SEC24D: variants seen among roughly 807,000 people sequenced by gnomAD.
SEC24D encodes SEC24 homolog D, COPII component.
Under a neutral mutation model 116.9 loss-of-function variants are expected in SEC24D, and 69 were observed. That is an observed-to-expected ratio of 0.59 (90% CI 0.49 to 0.72). The LOEUF is 0.72. Ranked by LOEUF, SEC24D falls within the 30% of genes least tolerant of loss-of-function variation. SEC24D has a pLI of 0.00. For synonymous variants in SEC24D, 405 were observed against 442.8 expected (o/e 0.91, Z 1.07); for missense variants, 1,131 against 1,264.1 (o/e 0.89, Z 1.60).
intron 5 of SEC24D, 146 bp from the exon 6 acceptor site, chr4:118,815,301 C>A: frequency 7.4e-7 from 1 of 1,354,204 alleles, no homozygotes; most frequent in East Asian, 2.3e-5. Context: ...GTGTGGTTCC[C>A]CATTTCTTTG....
At chr4:118,760,575 G>A (rs909963266) in intron 10 of SEC24D, 4 of 152,080 alleles carry the variant, frequency 2.6e-5, no homozygotes, top group African/African-American at 9.7e-5. Flanking sequence ...TAGACACCTG[G>A]TTGCTTCCTC....
chr4:118,834,990 G>C (rs1442390213), intron 1 of SEC24D, among the ~76,000 whole-genome samples: 1 of 152,172 alleles, frequency 6.6e-6, no homozygotes, highest in Non-Finnish European at 1.5e-5. Flanking sequence ...AATATTATGA[G>C]ATCATTTCCT....
rs768952456 is a variant in SEC24D, at chr4:118,833,622, A to G, written c.75T>C (p.His25=). 6.2e-7 allele frequency: 1 copy of G among 1,614,060 alleles called. No individual in the cohort carries two copies. Among genetic ancestry groups the G allele is most frequent in the Non-Finnish European group, 8.5e-7 (1 of 1,179,958 alleles). The stretch of plus-strand genomic sequence containing the variant: ...GCGACGGATCCCCATAGTGCCCATA[A>G]TGAGGTGGAGAAAGGCCTATTCCAG... The part of the protein sequence containing the change: ...PQPGIGLSPP[H]YGHYGDPSHT... The change falls in exon 2 of 23, where the codon CAT becomes CAC. Residue 25 remains histidine (H), a synonymous_variant. Coordinates refer to ENST00000280551, the MANE Select transcript of SEC24D (RefSeq NM_014822.4).
intron 13 of SEC24D, among the ~76,000 whole-genome samples, chr4:118,746,232 G>GGAGGGAGGGAGGGAGGGAAA (rs1276881997): frequency 7.9e-5 from 6 of 75,930 alleles, no homozygotes; most frequent in Non-Finnish European, 1.9e-4. Flanking sequence ...GTTGGGGGAG[G>GGAGGGAGGGAGGGAGGGAAA]GAGGGAGGGA....
intron 7 of SEC24D, among the ~76,000 whole-genome samples, chr4:118,804,885 T>TACACACACACACACACAC (rs71954957): frequency 0.018 from 2,533 of 140,880 alleles, 33 homozygotes; most frequent in Admixed American, 0.024. Flanking sequence ...TATGCATGCA[T>TACACACACACACACACAC]ACACACACAC....
intron 2 of SEC24D, among the ~76,000 whole-genome samples, chr4:118,828,090 G>C (rs1231119690): frequency 6.6e-6 from 1 of 151,566 alleles, no homozygotes; most frequent in East Asian, 1.9e-4. Flanking sequence ...CACAGCCCCT[G>C]TTCTAGGTTC....
At chr4:118,812,057 A>C (rs1729942680) in intron 6 of SEC24D, among the ~76,000 whole-genome samples, 1 of 152,168 alleles carries the variant, frequency 6.6e-6, no homozygotes, top group Admixed American at 6.5e-5. Context: ...TCCAAGCCTA[A>C]GCTTCAAAAG....
Position 118,752,700 on chromosome 4 carries a change from T to C in SEC24D, c.1610A>G (p.His537Arg), listed in dbSNP as rs981551410. The C allele has an allele frequency of 6.3e-7, 1 of 1,591,054 alleles. No individual in the cohort carries two copies. Among genetic ancestry groups the C allele is most frequent in the Non-Finnish European group, 8.6e-7 (1 of 1,168,532 alleles). The stretch of plus-strand genomic sequence containing the variant: ...TTATAAAACACTTGATATTTACTTA[T>C]GAATCACAGATTGGGATTCTTGATA... ...VNYQESQSVI[H>R]NLLDQIPDMF... The change falls in exon 12 of 23, where the codon CAT (histidine) becomes CGT (arginine). Residue 537 changes from histidine (H) to arginine (R), a missense_variant. Coordinates refer to ENST00000280551, the MANE Select transcript of SEC24D (RefSeq NM_014822.4).
chr4:118,815,221 G>T, intron 5 of SEC24D, 66 bp from the exon 6 acceptor site: 1 of 1,569,168 alleles, frequency 6.4e-7, no homozygotes, highest in Non-Finnish European at 8.7e-7. Context: ...ACTTGTTGAC[G>T]ATATTATGCT....
At chr4:118,819,998 A>C (rs1214453434) in intron 3 of SEC24D, among the ~76,000 whole-genome samples, 2 of 152,158 alleles carry the variant, frequency 1.3e-5, no homozygotes, top group African/African-American at 4.8e-5. Context: ...CAAATAAATT[A>C]TTTCTTTCTG....
At chr4:118,830,729 C>G (rs1730813935) in intron 2 of SEC24D, among the ~76,000 whole-genome samples, 1 of 151,620 alleles carries the variant, frequency 6.6e-6, no homozygotes, top group Admixed American at 6.6e-5. Flanking sequence ...CACAGTATGG[C>G]AAATAGTATA....
intron 15 of SEC24D, among the ~76,000 whole-genome samples, chr4:118,742,546 C>T (rs939150313): frequency 2.0e-5 from 3 of 152,126 alleles, no homozygotes; most frequent in Non-Finnish European, 2.9e-5. Flanking sequence ...TCTGAAAAAA[C>T]ATACTTTTAT....
chr4:118,780,017 C>CGCTA (rs1202218666), intron 8 of SEC24D, among the ~76,000 whole-genome samples: 1 of 151,986 alleles, frequency 6.6e-6, no homozygotes, highest in Non-Finnish European at 1.5e-5. Flanking sequence ...GTCTTGCTAG[C>CGCTA]GGTCTATCAA....
intron 6 of SEC24D, among the ~76,000 whole-genome samples, chr4:118,814,406 A>G (rs1297522564): frequency 6.6e-6 from 1 of 152,202 alleles, no homozygotes; most frequent in African/African-American, 2.4e-5. Flanking sequence ...CCTAAATCCA[A>G]TCTGCAGCTG....
chr4:118,728,340 C>T (rs1420521221), intron 22 of SEC24D, among the ~76,000 whole-genome samples: 1 of 152,092 alleles, frequency 6.6e-6, no homozygotes, highest in Non-Finnish European at 1.5e-5. Context: ...TAAGATACCC[C>T]ATAGTTAACC....
Position 118,833,694 on chromosome 4 carries a change from CATT to C in SEC24D, c.-1_2del. ...GTGTAGCCACGTAACCTTGTTGACT[CATT>C]ATGAAAATATCATTCCATAGGATAA... On this transcript the variant is annotated start_lost and start_retained_variant and 5_prime_UTR_variant, in exon 2 of 23. Coordinates refer to ENST00000280551, the MANE Select transcript of SEC24D (RefSeq NM_014822.4). 6.2e-7 allele frequency: 1 copy of C among 1,604,168 alleles called. No homozygotes were observed. The highest frequency in any genetic ancestry group is 1.1e-5 in the South Asian group (1 of 89,910).
intron 15 of SEC24D, among the ~76,000 whole-genome samples, chr4:118,742,765 A>T (rs1202628542): frequency 1.3e-5 from 2 of 152,210 alleles, no homozygotes; most frequent in East Asian, 1.9e-4. Flanking sequence ...ACGCCTGCCC[A>T]GGCACACACA....
intron 3 of SEC24D, among the ~76,000 whole-genome samples, 159 bp downstream of exon 3, chr4:118,824,461 G>C (rs1730515106): frequency 6.6e-6 from 1 of 152,122 alleles, no homozygotes; most frequent in African/African-American, 2.4e-5. Flanking sequence ...TTTTCTTATT[G>C]CTTTGTTTCC....
chr4:118,739,333 C>A, intron 17 of SEC24D, 46 bp from the exon 18 acceptor site: 1 of 1,581,266 alleles, frequency 6.3e-7, no homozygotes, highest in South Asian at 1.1e-5. Flanking sequence ...ATTAACATAT[C>A]CACCCAAGCT....
Sources: gnomAD v4.1 joint callset for allele counts (sites outside exome capture counted in the v4.1 genomes callset) on GRCh38, gnomAD v4.1.1 for gene constraint, MANE v1.5 for transcripts, NCBI Gene and HGNC (gene_info 2026-07-23, HGNC 2026-07-21) for gene names.